The following OPCML variants were observed in gnomAD, a reference collection of about 807,000 sequenced individuals.
The protein encoded by OPCML is opioid binding protein/cell adhesion molecule like.
OPCML carries 13 observed loss-of-function variants against 37.8 expected under a neutral mutation model. The ratio of observed to expected loss-of-function variants is 0.34; its 90% confidence interval spans 0.22 to 0.55. OPCML has a LOEUF of 0.55. Ranked by LOEUF, OPCML falls within the 20% of genes least tolerant of loss-of-function variation. The pLI is 0.91. For synonymous variants in OPCML, 176 were observed against 168.8 expected (o/e 1.04, Z -0.33); for missense variants, 341 against 435.6 (o/e 0.78, Z 1.93).
chr11:132,558,120 C>T (rs533861337), intron 3 of OPCML, among the ~76,000 whole-genome samples: 1 of 152,102 alleles, frequency 6.6e-6, no homozygotes, highest in Non-Finnish European at 1.5e-5. Flanking sequence ...GTTCTTTCTC[C>T]CTTTCCTATA....
rs766023151 is a variant in OPCML, at chr11:132,436,156, C to G, written c.846G>C (p.Lys282Asn). 1 of 1,614,218 alleles carries G rather than the reference C, an allele frequency of 6.2e-7. No individual in the cohort carries two copies. Among genetic ancestry groups the G allele is most frequent in the Admixed American group, 1.7e-5 (1 of 60,034 alleles). Residue 282 changes from lysine (K) to asparagine (N), a missense_variant, in exon 7 of 8, where the codon AAG (lysine) becomes AAC (asparagine). Lys to Asn is a moderately conservative substitution (Grantham distance 94, BLOSUM62 0). Transcript: ENST00000524381. ...STLTFFNVSE[K>N]DYGNYTCVAT... is the part of the protein sequence containing the mutation. ...CCACACAAGTATAGTTCCCATAATC[C>G]TTTTCTGAAACATTGAAGAAAGTCA...
At position 133,002,156 on chromosome 11, in the gene OPCML, T is replaced by C. The variant is rs995923947; in HGVS notation, c.62-59146A>G. Among the ~76,000 whole-genome samples the C allele has an allele frequency of 2.0e-5, 3 of 152,188 alleles. No individual in the cohort carries two copies. The East Asian group carries it at 5.8e-4, about 29-fold the overall frequency. ...CCCTTTGCTTTTGAAAGAAGAATTCTCGGGGCCAGGAATGGATCTAGGCAC... is the reference window on the plus strand; with the variant it reads ...CCCTTTGCTTTTGAAAGAAGAATTCCCGGGGCCAGGAATGGATCTAGGCAC... On this transcript the variant is annotated intron_variant, in intron 1 of 7. Transcript: ENST00000524381.
intron 1 of OPCML, among the ~76,000 whole-genome samples, chr11:133,244,668 A>G (rs781554515): frequency 6.7e-6 from 1 of 148,240 alleles, no homozygotes; most frequent in Non-Finnish European, 1.5e-5. Context: ...CTGACAATTT[A>G]AATGTGTGTG....
intron 2 of OPCML, among the ~76,000 whole-genome samples, chr11:132,895,414 C>T (rs1240941167): frequency 6.6e-6 from 1 of 152,200 alleles, no homozygotes; most frequent in Non-Finnish European, 1.5e-5. Flanking sequence ...TCTAAGTGTG[C>T]CCTGAGTCTG....
At chr11:132,540,737 A>T (rs1474988819) in intron 3 of OPCML, among the ~76,000 whole-genome samples, 2 of 152,224 alleles carry the variant, frequency 1.3e-5, no homozygotes, top group Non-Finnish European at 2.9e-5. Flanking sequence ...CAAACCTCTC[A>T]GGCTATGCTA....
intron 2 of OPCML, among the ~76,000 whole-genome samples, chr11:132,926,151 C>T (rs1232073866): frequency 6.6e-6 from 1 of 152,196 alleles, no homozygotes; most frequent in Non-Finnish European, 1.5e-5. Context: ...TTACCCTACT[C>T]TTTTATTCTT....
chr11:132,840,438 G>A (rs1411549510), intron 2 of OPCML, among the ~76,000 whole-genome samples: 1 of 152,158 alleles, frequency 6.6e-6, no homozygotes, highest in Admixed American at 6.5e-5. Flanking sequence ...TTCCCACTGG[G>A]CCCGTTTTGC....
At chr11:132,563,390 G>A (rs765958631) in intron 3 of OPCML, among the ~76,000 whole-genome samples, 7 of 151,844 alleles carry the variant, frequency 4.6e-5, no homozygotes, top group South Asian at 2.1e-4. Flanking sequence ...CTGTATTTGG[G>A]TGCCTTACTT....
intron 1 of OPCML, among the ~76,000 whole-genome samples, chr11:133,105,359 C>T (rs1179354867): frequency 6.6e-6 from 1 of 151,958 alleles, no homozygotes; most frequent in Non-Finnish European, 1.5e-5. Flanking sequence ...TTTATAATTA[C>T]ATCATACAAA....
At chr11:133,235,431 G>A (rs1940469813) in intron 1 of OPCML, among the ~76,000 whole-genome samples, 1 of 152,070 alleles carries the variant, frequency 6.6e-6, no homozygotes, top group African/African-American at 2.4e-5. Flanking sequence ...CAAAGGCAGG[G>A]AAATAAAATA....
At chr11:132,817,549 G>C (rs1029119256) in intron 2 of OPCML, among the ~76,000 whole-genome samples, 1 of 152,122 alleles carries the variant, frequency 6.6e-6, no homozygotes, top group African/African-American at 2.4e-5. Context: ...AATAAGGTTT[G>C]TTTTTCTGGA....
chr11:132,670,995 G>A (rs1237117944), intron 2 of OPCML, among the ~76,000 whole-genome samples: 1 of 152,210 alleles, frequency 6.6e-6, no homozygotes. Context: ...AATTGTGTGT[G>A]TTCAGGTGAC....
chr11:133,372,601 C>T (rs936021233), intron 1 of OPCML, among the ~76,000 whole-genome samples: 1 of 152,166 alleles, frequency 6.6e-6, no homozygotes, highest in Non-Finnish European at 1.5e-5. Context: ...TGTCTCCTTA[C>T]AGGATTTTCA....
intron 7 of OPCML, among the ~76,000 whole-genome samples, chr11:132,422,136 T>C (rs2136656380): frequency 6.6e-6 from 1 of 152,286 alleles, no homozygotes; most frequent in South Asian, 2.1e-4. Context: ...CGTATATATA[T>C]ATGTCTTTGT....
At chr11:132,828,227 G>T (rs1348423643) in intron 2 of OPCML, among the ~76,000 whole-genome samples, 2 of 152,164 alleles carry the variant, frequency 1.3e-5, no homozygotes, top group African/African-American at 2.4e-5. Context: ...GATCTGTGGA[G>T]TTGGGGTGGG....
At chr11:132,732,806 T>G (rs1366917167) in intron 2 of OPCML, among the ~76,000 whole-genome samples, 4 of 133,946 alleles carry the variant, frequency 3.0e-5, no homozygotes, top group South Asian at 4.2e-4. Flanking sequence ...GGTTGAAATA[T>G]GTCCATTGAA....
intron 4 of OPCML, among the ~76,000 whole-genome samples, chr11:132,496,989 AGT>A (rs2096233288): frequency 6.6e-6 from 1 of 152,144 alleles, no homozygotes; most frequent in Admixed American, 6.5e-5. Context: ...GAAAATATTC[AGT>A]GTGTGTCAGT....
intron 2 of OPCML, among the ~76,000 whole-genome samples, chr11:132,748,718 G>A (rs562039309): frequency 1.3e-5 from 2 of 152,172 alleles, no homozygotes; most frequent in African/African-American, 2.4e-5. Flanking sequence ...GATGGCGAGC[G>A]GAGAAGAAAC....
chr11:133,399,950 C>T (rs1945367040), intron 1 of OPCML, among the ~76,000 whole-genome samples: 1 of 151,688 alleles, frequency 6.6e-6, no homozygotes, highest in Non-Finnish European at 1.5e-5. Flanking sequence ...ATATTGTATT[C>T]GGCAAGCTAG....
Sources: gnomAD v4.1 joint callset for allele counts (sites outside exome capture counted in the v4.1 genomes callset) on GRCh38, gnomAD v4.1.1 for gene constraint, MANE v1.5 for transcripts, NCBI Gene and HGNC (gene_info 2026-07-23, HGNC 2026-07-21) for gene names.